Variants in CACNG3 observed in about 807,000 individuals in gnomAD.
CACNG3 encodes the protein calcium voltage-gated channel auxiliary subunit gamma 3, also known as voltage-dependent calcium channel gamma-3 subunit.
A neutral mutation model predicts 28.5 loss-of-function variants in CACNG3; 3 were observed. The observed-to-expected ratio is 0.11, with a 90% CI of 0.05 to 0.27. The LOEUF is 0.27. Ranked by LOEUF, CACNG3 falls within the 10% of genes least tolerant of loss-of-function variation. CACNG3 has a pLI of 1.00. For synonymous variants in CACNG3, 174 were observed against 162.2 expected, an observed-to-expected ratio of 1.07 and a Z score of -0.55; for missense variants, 236 against 414.4, an observed-to-expected ratio of 0.57 and a Z score of 3.74.
At chr16:24,260,605 G>T (rs528297638) in intron 1 of CACNG3, among the ~76,000 whole-genome samples, 1 of 152,270 alleles carries the variant, frequency 6.6e-6, no homozygotes, top group Admixed American at 6.5e-5. Context: ...GCCTGCTACT[G>T]GTACAAACAT....
intron 1 of CACNG3, among the ~76,000 whole-genome samples, chr16:24,299,946 A>G (rs1899083753): frequency 6.6e-6 from 1 of 152,064 alleles, no homozygotes; most frequent in African/African-American, 2.4e-5. Flanking sequence ...ACGCACACAC[A>G]CACACACACA....
chr16:24,257,588 T>C (rs1898484362), intron 1 of CACNG3, among the ~76,000 whole-genome samples: 1 of 152,174 alleles, frequency 6.6e-6, no homozygotes. Context: ...CCACACCCTA[T>C]GCACACATTT....
At chr16:24,304,677 T>G (rs924267502) in intron 1 of CACNG3, among the ~76,000 whole-genome samples, 2 of 152,070 alleles carry the variant, frequency 1.3e-5, no homozygotes, top group African/African-American at 4.8e-5. Context: ...AGGCTCAAGT[T>G]AGCCTCTCGA....
chr16:24,322,078 A>C lies in CACNG3; in HGVS notation c.212-24656A>C, dbSNP rs557044126. Among the ~76,000 whole-genome samples the C allele has an allele frequency of 5.3e-5, 8 of 152,278 alleles. No individual in the cohort carries two copies. In the East Asian group the frequency reaches 1.5e-3, roughly 29 times the overall value. On this transcript the variant is annotated intron_variant, in intron 1 of 3. Transcript: ENST00000005284. ...GTTAAGTCACTTGCCAAAGTTATAC[A>C]GCTAATTCAATGGGGGAACCTGAAT...
chr16:24,317,548 A>C (rs1273702027), intron 1 of CACNG3, among the ~76,000 whole-genome samples: 1 of 137,846 alleles, frequency 7.3e-6, no homozygotes, highest in Non-Finnish European at 1.5e-5. Context: ...TCAAAAAAAA[A>C]AAAGAAAAAG....
intron 1 of CACNG3, among the ~76,000 whole-genome samples, chr16:24,339,826 G>A (rs573958690): frequency 2.7e-4 from 41 of 152,042 alleles, no homozygotes; most frequent in Middle Eastern, 3.4e-3. Flanking sequence ...ACAAATAATC[G>A]AGGCAATGAT....
chr16:24,337,869 C>T (rs1899732476), intron 1 of CACNG3, among the ~76,000 whole-genome samples: 2 of 128,172 alleles, frequency 1.6e-5, no homozygotes, highest in South Asian at 5.0e-4. Flanking sequence ...AACTCAACCT[C>T]CTAGATTTTC....
chr16:24,361,320 A>G lies in CACNG3; in HGVS notation c.437-32A>G. ...GTGACAGTTCTCTCCGAGGTGTATA[A>G]AGGACGTGTTTTTCTTTTCCCCTTC... On this transcript the variant is annotated intron_variant, in intron 3 of 3. Coordinates refer to ENST00000005284, the MANE Select transcript of CACNG3 (RefSeq NM_006539.4). The surrounding 1 kb of genome is among the most constrained non-coding windows in gnomAD (Gnocchi z 6.8). The G allele has an allele frequency of 1.3e-6, 2 of 1,514,278 alleles. No homozygotes were observed. The highest frequency in any genetic ancestry group is 8.9e-7 in the Non-Finnish European group (1 of 1,122,388). 93.8% of individuals were successfully genotyped at this position (1,514,278 alleles called of 1,614,324 possible). A position where few individuals can be genotyped will look rare whatever the true frequency, so the allele number is the denominator to read the frequency against.
intron 1 of CACNG3, among the ~76,000 whole-genome samples, chr16:24,321,517 T>C (rs1161147950): frequency 6.6e-6 from 1 of 152,210 alleles, no homozygotes; most frequent in Non-Finnish European, 1.5e-5. Flanking sequence ...TGGATTGTGT[T>C]AGTATTACAG....
intron 1 of CACNG3, among the ~76,000 whole-genome samples, chr16:24,322,119 C>A (rs1313888587): frequency 6.6e-6 from 1 of 152,016 alleles, no homozygotes; most frequent in Non-Finnish European, 1.5e-5. Context: ...ACCAGACAGG[C>A]GGGAGGAGGA....
chr16:24,279,729 A>G (rs1455496788), intron 1 of CACNG3, among the ~76,000 whole-genome samples: 2 of 152,220 alleles, frequency 1.3e-5, no homozygotes, highest in Non-Finnish European at 2.9e-5. Context: ...GCTGGAATCA[A>G]CTTAATTTCC....
intron 1 of CACNG3, among the ~76,000 whole-genome samples, chr16:24,281,555 A>C (rs931572158): frequency 1.3e-5 from 2 of 152,116 alleles, no homozygotes; most frequent in African/African-American, 4.8e-5. Flanking sequence ...TTTCTTTTCC[A>C]GAGGCAAAAG....
chr16:24,331,013 A>T (rs1899624577), intron 1 of CACNG3, among the ~76,000 whole-genome samples: 1 of 152,102 alleles, frequency 6.6e-6, no homozygotes, highest in Admixed American at 6.6e-5. Flanking sequence ...TATAGTTGTC[A>T]TTCTCTCTGT....
intron 1 of CACNG3, among the ~76,000 whole-genome samples, chr16:24,318,873 C>T (rs992276650): frequency 1.3e-5 from 2 of 152,182 alleles, no homozygotes; most frequent in Non-Finnish European, 2.9e-5. Context: ...CAGTAGGAGG[C>T]TCCCTGGCTG....
At chr16:24,268,087 TGA>T (rs137996714) in intron 1 of CACNG3, among the ~76,000 whole-genome samples, 29,584 of 152,152 alleles carry the variant, frequency 0.19, 3,447 homozygotes, top group Non-Finnish European at 0.28. Context: ...CTGATTTATT[TGA>T]GAGATAGATA....
chr16:24,350,776 A>G (rs1899929948), intron 2 of CACNG3, among the ~76,000 whole-genome samples: 1 of 152,324 alleles, frequency 6.6e-6, no homozygotes, highest in Non-Finnish European at 1.5e-5. Context: ...TATACAATGC[A>G]AATGATCCCT....
chr16:24,316,574 T>C (rs1899355491), intron 1 of CACNG3, among the ~76,000 whole-genome samples: 2 of 152,164 alleles, frequency 1.3e-5, no homozygotes, highest in South Asian at 2.1e-4. Context: ...CATCAACTGA[T>C]TGATTCATCT....
chr16:24,354,700 C>G (rs1900004843), intron 2 of CACNG3, 133 bp from the exon 3 acceptor site: 2 of 865,258 alleles, frequency 2.3e-6, no homozygotes, highest in Admixed American at 4.8e-5. Context: ...AGCGCCTGGT[C>G]TCATGCCCGT....
chr16:24,345,557 G>A (rs561563437), intron 1 of CACNG3, among the ~76,000 whole-genome samples: 2 of 152,220 alleles, frequency 1.3e-5, no homozygotes, highest in East Asian at 1.9e-4. Flanking sequence ...AAAATTAGCC[G>A]GGCATGGTGG....
Sources: allele counts gnomAD v4.1 joint callset (sites outside exome capture counted in the v4.1 genomes callset), GRCh38; gene constraint gnomAD v4.1.1; non-coding constraint Gnocchi (gnomAD v3.1); transcripts MANE v1.5; gene names NCBI Gene and HGNC (gene_info 2026-07-23, HGNC 2026-07-21).